Variants in GINS1 observed in about 807,000 individuals in gnomAD.
The protein encoded by GINS1 is DNA replication complex GINS protein PSF1.
In GINS1, 26 loss-of-function variants were observed where a neutral mutation model predicts 34.9. That is an observed-to-expected ratio of 0.74 (90% CI 0.55 to 1.03). The LOEUF (loss-of-function observed/expected upper bound fraction) is 1.03, where lower values mean the gene tolerates loss of function less well. Ranked by LOEUF, GINS1 falls within the 50% of genes least tolerant of loss-of-function variation. The pLI, the probability that GINS1 is intolerant of heterozygous loss-of-function variation, is 0.00. For synonymous variants in GINS1, 97 were observed against 84.4 expected (o/e 1.15, Z -0.82); for missense variants, 235 against 237.9 (o/e 0.99, Z 0.08).
chr20:25,410,422 C>T (rs2090276840), intron 1 of GINS1, among the ~76,000 whole-genome samples: 1 of 152,162 alleles, frequency 6.6e-6, no homozygotes, highest in African/African-American at 2.4e-5. Flanking sequence ...GTGCCTTCCA[C>T]TGACAAACCC....
chr20:25,423,491 C>T (rs536050434), intron 4 of GINS1, among the ~76,000 whole-genome samples: 19 of 54,888 alleles, frequency 3.5e-4, no homozygotes, highest in Non-Finnish European at 6.6e-4. Flanking sequence ...TTTTTTGAGA[C>T]GGCATCTCAC....
At chr20:25,422,628 A>G (rs2090362799) in intron 4 of GINS1, among the ~76,000 whole-genome samples, 1 of 152,128 alleles carries the variant, frequency 6.6e-6, no homozygotes, top group Non-Finnish European at 1.5e-5. Flanking sequence ...CCACCTAAGC[A>G]TGCATTTCTA....
chr20:25,441,814 T>A, intron 6 of GINS1, 38 bp downstream of exon 6: 1 of 1,043,166 alleles, frequency 9.6e-7, no homozygotes, highest in Admixed American at 2.1e-5. Flanking sequence ...TTAAATCTTA[T>A]GAGTGTTGTA....
Position 25,447,519 on chromosome 20 carries a change from C to T in GINS1, c.*1528C>T, listed in dbSNP as rs1390601990. 6.6e-6 allele frequency: 1 copy of T among 152,186 alleles called. No individual in the cohort carries two copies. The highest frequency in any genetic ancestry group is 2.4e-5 in the African/African-American group (1 of 41,458). 9.4% of individuals were successfully genotyped at this position (152,186 alleles called of 1,614,324 possible). ...ATGTATATGTGGGTTTATTTCAGGA[C>T]TCTGTTTTGTTCCATTGACCTGTTT... On this transcript the variant is annotated 3_prime_UTR_variant, in exon 7 of 7. Coordinates refer to ENST00000262460, the MANE Select transcript of GINS1 (RefSeq NM_021067.5).
At chr20:25,414,401 A>G (rs1483456114) in intron 2 of GINS1, among the ~76,000 whole-genome samples, 1 of 152,166 alleles carries the variant, frequency 6.6e-6, no homozygotes, top group Non-Finnish European at 1.5e-5. Flanking sequence ...AAAATAAATG[A>G]CATACCCTAA....
intron 5 of GINS1, among the ~76,000 whole-genome samples, chr20:25,436,736 A>G (rs974252527): frequency 3.3e-5 from 5 of 152,154 alleles, no homozygotes; most frequent in Non-Finnish European, 7.3e-5. Context: ...TGTAGTTCTT[A>G]GAGCATCTTT....
chr20:25,414,990 T>C (rs895719740), intron 2 of GINS1, among the ~76,000 whole-genome samples: 11 of 152,162 alleles, frequency 7.2e-5, no homozygotes, highest in African/African-American at 2.7e-4. Context: ...TATGACAAAC[T>C]TCGTATGTTC....
intron 4 of GINS1, among the ~76,000 whole-genome samples, chr20:25,419,408 A>G (rs1268482123): frequency 6.6e-6 from 1 of 151,918 alleles, no homozygotes; most frequent in African/African-American, 2.4e-5. Context: ...AAAGTGATCT[A>G]TTTGTTGTCA....
In GINS1 at chr20:25,435,777, A is replaced by C. The variant is rs1350017179; in HGVS notation, c.448-5925A>C. Among the ~76,000 whole-genome samples, 17 of 123,504 alleles carry C rather than the reference A, an allele frequency of 1.4e-4. No individual in the cohort carries two copies. The South Asian group carries it at 1.6e-3, about 12-fold the overall frequency. The allele number at this position is 123,504 out of a possible 152,430, so 81.0% of individuals were successfully genotyped here. ...GAGATTCCGTCTCAAAAAAAAAAAA[A>C]AAAAAAAAAAACCAACTTTTTGTAG... is the stretch of plus-strand genomic sequence containing the variant. On this transcript the variant is annotated intron_variant, in intron 5 of 6. Coordinates refer to ENST00000262460, the MANE Select transcript of GINS1 (RefSeq NM_021067.5).
chr20:25,445,268 C>T (rs1045012807), intron 6 of GINS1, among the ~76,000 whole-genome samples: 3 of 152,076 alleles, frequency 2.0e-5, no homozygotes, highest in African/African-American at 7.2e-5. Flanking sequence ...AATCTCGGCT[C>T]ACCCCCAGGT....
intron 5 of GINS1, among the ~76,000 whole-genome samples, chr20:25,436,772 G>A (rs1227264927): frequency 6.6e-6 from 1 of 152,080 alleles, no homozygotes; most frequent in African/African-American, 2.4e-5. Flanking sequence ...AAGTCTTTGT[G>A]TAATAGATCT....
chr20:25,416,171 G>A (rs553165321), intron 2 of GINS1, among the ~76,000 whole-genome samples: 2 of 152,312 alleles, frequency 1.3e-5, no homozygotes, highest in East Asian at 3.9e-4. Flanking sequence ...TGGTCACCAG[G>A]TTACTAGAGA....
At chr20:25,435,554 T>G (rs2090449307) in intron 5 of GINS1, among the ~76,000 whole-genome samples, 1 of 151,818 alleles carries the variant, frequency 6.6e-6, no homozygotes, top group Non-Finnish European at 1.5e-5. Context: ...GGTCAGGAGT[T>G]TGAGACCAGC....
Position 25,445,955 on chromosome 20 carries a change from G to A in GINS1, c.555G>A (p.Leu185=), listed in dbSNP as rs1282233147. 2 of 1,612,028 alleles carry A rather than the reference G, an allele frequency of 1.2e-6. No individual in the cohort carries two copies. The highest frequency in any genetic ancestry group is 2.2e-5 in the South Asian group (2 of 90,992). The part of the protein sequence containing the change: ...HFLPRWKCEQ[L]IRQGVLEHIL... ...TACCTCGATGGAAATGTGAGCAGCT[G>A]ATCAGACAAGGAGTCCTGGAGCACA... The change falls in exon 7 of 7, where the codon CTG becomes CTA. Residue 185 remains leucine, a synonymous_variant. Transcript: ENST00000262460.
chr20:25,426,229 C>A (rs2090389840), intron 5 of GINS1, among the ~76,000 whole-genome samples: 1 of 152,068 alleles, frequency 6.6e-6, no homozygotes, highest in African/African-American at 2.4e-5. Context: ...AGCGTAATAT[C>A]TTCAGGGTTC....
At chr20:25,444,769 C>T (rs1266611173) in intron 6 of GINS1, among the ~76,000 whole-genome samples, 1 of 152,166 alleles carries the variant, frequency 6.6e-6, no homozygotes, top group South Asian at 2.1e-4. Context: ...AGAGCAAGAG[C>T]GATGTCCTCT....
At chr20:25,427,975 G>T (rs770317901) in intron 5 of GINS1, among the ~76,000 whole-genome samples, 1 of 149,460 alleles carries the variant, frequency 6.7e-6, no homozygotes, top group Non-Finnish European at 1.5e-5. Context: ...GGGTTCAAGC[G>T]ATTCTCCTGC....
chr20:25,430,141 G>C (rs997180631), intron 5 of GINS1, among the ~76,000 whole-genome samples: 2 of 152,216 alleles, frequency 1.3e-5, no homozygotes, highest in African/African-American at 4.8e-5. Context: ...TTGAACTCCT[G>C]ACCTCATCAT....
In GINS1 at chr20:25,418,136, A is replaced by T; in HGVS notation, c.271A>T (p.Arg91Ter). 6.2e-7 allele frequency: 1 copy of T among 1,604,738 alleles called. No individual in the cohort carries two copies. Among genetic ancestry groups the T allele is most frequent in the Non-Finnish European group, 8.5e-7 (1 of 1,171,258 alleles). Reference protein sequence around the residue: ...YDRLLRIRALRWEYGSVLPNA... With the variant: ...YDRLLRIRAL ...CCGCTTGCTTCGGATCAGAGCACTC[A>T]GATGGGAATATGGTAGCGTCTTGCC... Residue 91 changes from arginine (R) to a stop codon, truncating the protein, a stop_gained, in exon 4 of 7, where the codon AGA becomes TGA. Coordinates refer to ENST00000262460, the MANE Select transcript of GINS1 (RefSeq NM_021067.5). LOFTEE classifies it high-confidence loss of function.
Sources: allele counts gnomAD v4.1 joint callset (sites outside exome capture counted in the v4.1 genomes callset), GRCh38; gene constraint gnomAD v4.1.1; transcripts MANE v1.5; gene names NCBI Gene and HGNC (gene_info 2026-07-23, HGNC 2026-07-21).